Variants in ANK2 observed in about 807,000 individuals in gnomAD.
The protein encoded by ANK2 is ankyrin-2.
In ANK2, 83 loss-of-function variants were observed where a neutral mutation model predicts 360.5. That is an observed-to-expected ratio of 0.23 (90% CI 0.19 to 0.28). The LOEUF (loss-of-function observed/expected upper bound fraction) is 0.28, where lower values mean the gene tolerates loss of function less well. Ranked by LOEUF, ANK2 falls within the 10% of genes least tolerant of loss-of-function variation. ANK2 has a pLI of 1.00. For synonymous variants in ANK2, 1,740 were observed against 1,759.5 expected, an observed-to-expected ratio of 0.99 and a Z score of 0.28; for missense variants, 4,201 against 4,795.7, an observed-to-expected ratio of 0.88 and a Z score of 3.66.
chr4:112,750,481 T>C, the ANK2 span, among the ~76,000 whole-genome samples: 2 of 152,274 alleles, frequency 1.3e-5, no homozygotes, highest in Middle Eastern at 6.8e-3. Context: ...AGTATATATA[T>C]ATATAGTAAC....
At chr4:113,374,639 G>A in intron 45 of ANK2, 1 of 481,722 alleles carries the variant, frequency 2.1e-6, no homozygotes, top group Non-Finnish European at 2.8e-6. Context: ...GCTTCCCATT[G>A]CTGTTTTCTG....
At chr4:113,182,376 T>A (rs2079120) in intron 2 of ANK2, among the ~76,000 whole-genome samples, 47,097 of 152,032 alleles carry the variant, frequency 0.31, 7,845 homozygotes, top group African/African-American at 0.42. Flanking sequence ...AAAAAAGATT[T>A]TGGCCTGAAG....
rs967552607 is a variant in ANK2, at chr4:113,020,446, T to G, written c.21+115932T>G. Among the ~76,000 whole-genome samples the G allele has an allele frequency of 2.0e-5, 3 of 152,174 alleles. No individual in the cohort carries two copies. In the East Asian group the frequency reaches 5.8e-4, roughly 29 times the overall value. Reference sequence around the variant, plus strand: ...CCTGGGCTCAAGCTATCTCCCCACTTTGCCTCCTCAAGTGTTGGGTTTATA... The same window carrying G: ...CCTGGGCTCAAGCTATCTCCCCACTGTGCCTCCTCAAGTGTTGGGTTTATA... On this transcript the variant is annotated intron_variant, in intron 2 of 30. Coordinates refer to the ANK2 transcript ENST00000503271.
the ANK2 span, among the ~76,000 whole-genome samples, chr4:112,749,151 C>T: frequency 1.3e-5 from 2 of 152,142 alleles, no homozygotes; most frequent in South Asian, 2.1e-4. Flanking sequence ...CCACCCGCCT[C>T]GGCCTCCCAC....
intron 2 of ANK2, among the ~76,000 whole-genome samples, chr4:112,954,485 G>T (rs1392653405): frequency 6.6e-6 from 1 of 152,066 alleles, no homozygotes; most frequent in Non-Finnish European, 1.5e-5. Flanking sequence ...TACATAGTTC[G>T]AGTATAAGCA....
At chr4:113,142,368 A>G (rs2096663644) in intron 1 of ANK2, among the ~76,000 whole-genome samples, 1 of 152,134 alleles carries the variant, frequency 6.6e-6, no homozygotes, top group African/African-American at 2.4e-5. Context: ...GACCCCTTAC[A>G]CTTTTATTTT....
In ANK2 at chr4:112,830,618, AT is replaced by A. The variant is rs954620688; in HGVS notation, c.-40+12363del. Among the ~76,000 whole-genome samples the A allele has an allele frequency of 2.3e-3, 302 of 132,398 alleles. 8 individuals carry two copies. The East Asian group carries it at 0.074, about 33-fold the overall frequency. The allele number at this position is 132,398 out of a possible 152,430, so 86.9% of individuals were successfully genotyped here. A position where few individuals can be genotyped will look rare whatever the true frequency, so the allele number is the denominator to read the frequency against. On this transcript the variant is annotated intron_variant, in intron 1 of 30. Coordinates refer to the ANK2 transcript ENST00000503271. The stretch of plus-strand genomic sequence containing the variant: ...CCTGTAACATGCAATTATTATTATT[AT>A]TTTTTTTTGAGACTGAGAGGTGACA...
intron 1 of ANK2, among the ~76,000 whole-genome samples, chr4:112,833,803 G>A (rs1035835504): frequency 6.6e-6 from 1 of 152,104 alleles, no homozygotes; most frequent in African/African-American, 2.4e-5. Flanking sequence ...GCACTCGGCC[G>A]GAATGATTTA....
Position 113,288,499 on chromosome 4 carries a change from T to G in ANK2, c.2277+13T>G, listed in dbSNP as rs755402913. Reference sequence around the variant, plus strand: ...CGCAAAAACCAAGGTAAAGTACTTGTGGTCATTTTCAATTCCTATAAGCAA... The same window carrying G: ...CGCAAAAACCAAGGTAAAGTACTTGGGGTCATTTTCAATTCCTATAAGCAA... On this transcript the variant is annotated intron_variant, in intron 20 of 45. Coordinates refer to ENST00000357077, the MANE Select transcript of ANK2 (RefSeq NM_001148.6). 6.2e-7 allele frequency: 1 copy of G among 1,607,230 alleles called. No individual in the cohort carries two copies.
chr4:112,827,750 G>T, intron 1 of ANK2: 1 of 470,316 alleles, frequency 2.1e-6, no homozygotes, highest in Non-Finnish European at 3.8e-6. Context: ...TTTCATGCTC[G>T]TGGATAGGAA....
At chr4:112,777,432 A>G in the ANK2 span, among the ~76,000 whole-genome samples, 145 of 152,044 alleles carry the variant, frequency 9.5e-4, no homozygotes, top group African/African-American at 3.1e-3. Context: ...TAGTAGAGAC[A>G]GGGTTTCACC....
rs143960236 is a variant in ANK2, at chr4:113,175,255, G to A, written c.186+738G>A. The stretch of plus-strand genomic sequence containing the variant: ...TAAAAGGAGGTAAATGTCACTACTG[G>A]ATTCTAAATTATATATAAATTCCTT... On this transcript the variant is annotated intron_variant, in intron 2 of 45. Coordinates refer to ENST00000357077, the MANE Select transcript of ANK2 (RefSeq NM_001148.6). Among the ~76,000 whole-genome samples, 336 of 152,218 alleles carry A rather than the reference G, an allele frequency of 2.2e-3. 5 individuals carry two copies. The East Asian group carries it at 0.043, about 20-fold the overall frequency.
In ANK2 at chr4:112,971,870, C is replaced by G. The variant is rs1262378295; in HGVS notation, c.21+67356C>G. 4.1e-4 allele frequency among the ~76,000 whole-genome samples: 63 copies of G among 152,056 alleles called. 2 individuals are homozygous for G. Among genetic ancestry groups the G allele is most frequent in the Admixed American group, 4.1e-3 (63 of 15,250 alleles). ...ACTCAGACATAACATTAAAATCCAC[C>G]CAGGGAAAATGATTCCAGTGAGGCA... On this transcript the variant is annotated intron_variant, in intron 2 of 30. Coordinates refer to the ANK2 transcript ENST00000503271.
intron 24 of ANK2, among the ~76,000 whole-genome samples, chr4:113,317,205 G>C (rs542220694): frequency 4.6e-5 from 7 of 152,290 alleles, no homozygotes; most frequent in African/African-American, 1.2e-4. Flanking sequence ...TCACAGTTTA[G>C]AGAGGAGGAG....
At chr4:113,233,905 A>C (rs2099350426) in intron 5 of ANK2, among the ~76,000 whole-genome samples, 1 of 152,118 alleles carries the variant, frequency 6.6e-6, no homozygotes, top group Non-Finnish European at 1.5e-5. Context: ...TCCCTCAGAC[A>C]CTAGTTCTGT....
At chr4:112,866,996 C>G (rs1296135420) in intron 1 of ANK2, among the ~76,000 whole-genome samples, 1 of 152,000 alleles carries the variant, frequency 6.6e-6, no homozygotes. Context: ...TTCTATAGGT[C>G]TATTTCCTAG....
chr4:112,893,718 A>C (rs1174091489), intron 1 of ANK2, among the ~76,000 whole-genome samples: 1 of 152,180 alleles, frequency 6.6e-6, no homozygotes, highest in Non-Finnish European at 1.5e-5. Context: ...CATGCAGGCC[A>C]GGTGCAGTGG....
intron 1 of ANK2, among the ~76,000 whole-genome samples, chr4:113,171,816 A>G (rs923451250): frequency 3.7e-4 from 56 of 152,328 alleles, no homozygotes; most frequent in African/African-American, 1.3e-3. Context: ...TGTCATGTCC[A>G]ATCCCCAGAG....
At chr4:113,308,110 T>C (rs1374053466) in intron 23 of ANK2, among the ~76,000 whole-genome samples, 1 of 152,250 alleles carries the variant, frequency 6.6e-6, no homozygotes, top group African/African-American at 2.4e-5. Context: ...AAAGAAAGTG[T>C]ATAATGATTC....
Sources: gnomAD v4.1 joint callset for allele counts (sites outside exome capture counted in the v4.1 genomes callset) on GRCh38, gnomAD v4.1.1 for gene constraint, MANE v1.5 for transcripts, NCBI Gene and HGNC (gene_info 2026-07-23, HGNC 2026-07-21) for gene names.